Variants in UBAP2L observed in about 807,000 individuals in gnomAD.
The protein encoded by UBAP2L is ubiquitin-associated protein 2-like.
UBAP2L carries 12 observed loss-of-function variants against 130.6 expected under a neutral mutation model. That is an observed-to-expected ratio of 0.09 (90% CI 0.06 to 0.15). UBAP2L has a LOEUF of 0.15. Among genes scored for constraint, UBAP2L ranks in the 10% least tolerant of loss-of-function variants. The pLI is 1.00. For synonymous variants in UBAP2L, 503 were observed against 524.7 expected, an observed-to-expected ratio of 0.96 and a Z score of 0.57; for missense variants, 965 against 1,332.5, an observed-to-expected ratio of 0.72 and a Z score of 4.29.
rs546168872 is a variant in UBAP2L, at chr1:154,253,565, G to A, written c.1665-335G>A. Among the ~76,000 whole-genome samples, 74 of 151,484 alleles carry A rather than the reference G, an allele frequency of 4.9e-4. 2 individuals are homozygous for A. Among genetic ancestry groups the A allele is most frequent in the Non-Finnish European group, 1.0e-3 (68 of 67,892 alleles). On this transcript the variant is annotated intron_variant, in intron 14 of 26. Coordinates refer to ENST00000428931, the MANE Select transcript of UBAP2L (RefSeq NM_014847.4). Reference sequence around the variant, plus strand: ...CCCGGCTAATTTTTTTGTATTTTTAGTAGAGACCATGTTAGCCAGGATGGT... The same window carrying A: ...CCCGGCTAATTTTTTTGTATTTTTAATAGAGACCATGTTAGCCAGGATGGT...
At chr1:154,225,467 C>CTT (rs879670058) in intron 2 of UBAP2L, among the ~76,000 whole-genome samples, 1 of 144,390 alleles carries the variant, frequency 6.9e-6, no homozygotes, top group Admixed American at 6.9e-5. Flanking sequence ...TGCTTTTTAT[C>CTT]TTTTTTTTTT....
At chr1:154,230,132 G>A (rs571145514) in intron 4 of UBAP2L, among the ~76,000 whole-genome samples, 11 of 152,056 alleles carry the variant, frequency 7.2e-5, no homozygotes, top group South Asian at 2.1e-4. Flanking sequence ...TCAGCTTCCC[G>A]AGTAGCTGGG....
chr1:154,270,071 A>G (rs1462539719), intron 26 of UBAP2L, 129 bp from the exon 27 acceptor site: 2 of 1,180,728 alleles, frequency 1.7e-6, no homozygotes, highest in Non-Finnish European at 2.3e-6. Context: ...CAAATTTTCT[A>G]TGGTTCTAAT....
At chr1:154,232,598 T>C (rs1322893595) in intron 4 of UBAP2L, among the ~76,000 whole-genome samples, 1 of 152,108 alleles carries the variant, frequency 6.6e-6, no homozygotes, top group Non-Finnish European at 1.5e-5. Context: ...ATTTAGGAAA[T>C]ATAGGGAGAA....
intron 8 of UBAP2L, 93 bp downstream of exon 8, chr1:154,237,229 T>C: frequency 8.5e-7 from 1 of 1,174,882 alleles, no homozygotes; most frequent in Non-Finnish European, 1.2e-6. Context: ...GGAAGAATAG[T>C]GTTTGGTTAT....
chr1:154,227,248 G>A, intron 2 of UBAP2L, 34 bp from the exon 3 acceptor site: 1 of 1,588,388 alleles, frequency 6.3e-7, no homozygotes, highest in African/African-American at 1.3e-5. Context: ...GTTGCCTCAT[G>A]ATTATGCTTT....
At chr1:154,239,624 A>G (rs1391188596) in intron 8 of UBAP2L, among the ~76,000 whole-genome samples, 1 of 152,200 alleles carries the variant, frequency 6.6e-6, no homozygotes, top group Non-Finnish European at 1.5e-5. Flanking sequence ...GTATATCCTG[A>G]ATAGGAACAT....
intron 8 of UBAP2L, among the ~76,000 whole-genome samples, chr1:154,240,319 T>C (rs1342959914): frequency 6.6e-6 from 1 of 152,084 alleles, no homozygotes; most frequent in Non-Finnish European, 1.5e-5. Context: ...TTTTTTTTTT[T>C]CTGAAAATAT....
rs1671705447 is a variant in UBAP2L, at chr1:154,236,438, A to G, written c.545-128A>G. 8 of 939,746 alleles carry G rather than the reference A, an allele frequency of 8.5e-6. No homozygotes were observed. The South Asian group carries it at 1.1e-4, about 13-fold the overall frequency. The allele number at this position is 939,746 out of a possible 1,614,324, so 58.2% of individuals were successfully genotyped here. ...GGTCTCGAACTTCTGGATGCAACCA[A>G]TCCGCCCGCCCTCAGCCTTTCAAAG... On this transcript the variant is annotated intron_variant, in intron 6 of 26. Transcript: ENST00000428931.
intron 7 of UBAP2L, 104 bp downstream of exon 7, chr1:154,236,715 T>TA: frequency 8.1e-7 from 1 of 1,234,446 alleles, no homozygotes; most frequent in Non-Finnish European, 1.2e-6. Flanking sequence ...GTCAGAAAGA[T>TA]ATGGGGACTT....
intron 4 of UBAP2L, among the ~76,000 whole-genome samples, chr1:154,231,960 A>G (rs768955206): frequency 6.6e-6 from 1 of 152,178 alleles, no homozygotes; most frequent in Admixed American, 6.5e-5. Flanking sequence ...TACTCAGCCC[A>G]TATTCTGAAA....
At chr1:154,225,736 C>CT (rs1667709066) in intron 2 of UBAP2L, among the ~76,000 whole-genome samples, 1 of 152,178 alleles carries the variant, frequency 6.6e-6, no homozygotes, top group Non-Finnish European at 1.5e-5. Flanking sequence ...CTCTATAACT[C>CT]TTAAGATAGC....
chr1:154,236,484 G>C, intron 6 of UBAP2L, 82 bp from the exon 7 acceptor site: 1 of 1,456,212 alleles, frequency 6.9e-7, no homozygotes, highest in East Asian at 2.3e-5. Context: ...ACCACCGGGA[G>C]CCACTGTGCC....
intron 4 of UBAP2L, among the ~76,000 whole-genome samples, chr1:154,230,923 T>G (rs1341529482): frequency 6.6e-6 from 1 of 152,226 alleles, no homozygotes; most frequent in Non-Finnish European, 1.5e-5. Context: ...GGTTACAGTT[T>G]CCTGAAACTT....
intron 25 of UBAP2L, among the ~76,000 whole-genome samples, chr1:154,268,552 A>G (rs1034676988): frequency 2.6e-5 from 4 of 152,188 alleles, no homozygotes; most frequent in Admixed American, 2.6e-4. Context: ...ACTGAGGCTA[A>G]GAGATTGAGT....
intron 14 of UBAP2L, 66 bp from the exon 15 acceptor site, chr1:154,253,834 T>A: frequency 6.6e-7 from 1 of 1,510,356 alleles, no homozygotes; most frequent in South Asian, 1.2e-5. Flanking sequence ...ATCTCCACGA[T>A]TTCCTTAGTA....
At chr1:154,224,585 A>G (rs16835877) in intron 1 of UBAP2L, among the ~76,000 whole-genome samples, 1,797 of 152,310 alleles carry the variant, frequency 0.012, 15 homozygotes, top group East Asian at 0.038. Context: ...TTCCCAAGCA[A>G]TGGAGGTCAC....
intron 20 of UBAP2L, chr1:154,257,742 A>C: frequency 2.7e-6 from 1 of 373,306 alleles, no homozygotes; most frequent in Non-Finnish European, 4.9e-6. Context: ...CTGGTTTTTA[A>C]TCTTTGCAGT....
At chr1:154,266,774 G>A (rs895869777) in intron 25 of UBAP2L, among the ~76,000 whole-genome samples, 17 of 151,994 alleles carry the variant, frequency 1.1e-4, no homozygotes, top group African/African-American at 3.9e-4. Flanking sequence ...AACGAGAAAC[G>A]TAATAGGAAG....
Sources: gnomAD v4.1 joint callset for allele counts (sites outside exome capture counted in the v4.1 genomes callset) on GRCh38, gnomAD v4.1.1 for gene constraint, MANE v1.5 for transcripts, NCBI Gene and HGNC (gene_info 2026-07-23, HGNC 2026-07-21) for gene names.